The following GABRA2 variants were observed in gnomAD, a reference collection of about 807,000 sequenced individuals.
GABRA2 encodes gamma-aminobutyric acid type A receptor subunit alpha2, also known as gamma-aminobutyric acid receptor subunit alpha-2.
GABRA2 carries 16 observed loss-of-function variants against 48.7 expected under a neutral mutation model. That is an observed-to-expected ratio of 0.33 (90% CI 0.22 to 0.50). GABRA2 has a LOEUF of 0.50. GABRA2 is among the 20% of genes least tolerant of loss of function. The pLI, the probability that GABRA2 is intolerant of heterozygous loss-of-function variation, is 0.98. For missense variants in GABRA2, 275 were observed against 535.6 expected (o/e 0.51, Z 4.80); for synonymous variants, 185 against 184.5 (o/e 1.00, Z -0.02).
chr4:46,316,151 C>T (rs978326984), intron 4 of GABRA2, among the ~76,000 whole-genome samples: 3 of 151,834 alleles, frequency 2.0e-5, no homozygotes, highest in African/African-American at 7.2e-5. Flanking sequence ...ATATCATCAT[C>T]GTTTTTCCTC....
chr4:46,289,250 C>T (rs973834493), intron 8 of GABRA2, among the ~76,000 whole-genome samples: 2 of 152,174 alleles, frequency 1.3e-5, no homozygotes, highest in Admixed American at 1.3e-4. Flanking sequence ...AGATGCATGC[C>T]TGTGCATGTT....
chr4:46,388,423 GA>G (rs753997962), intron 2 of GABRA2, among the ~76,000 whole-genome samples: 4 of 152,246 alleles, frequency 2.6e-5, no homozygotes, highest in Non-Finnish European at 5.9e-5. Flanking sequence ...GTTCTGCATG[GA>G]AAGTGTTTCT....
At chr4:46,314,298 T>G (rs990842137) in intron 4 of GABRA2, among the ~76,000 whole-genome samples, 3 of 152,096 alleles carry the variant, frequency 2.0e-5, no homozygotes, top group African/African-American at 7.2e-5. Context: ...TTTAACACTT[T>G]TTATAAAACT....
At chr4:46,252,563 T>G (rs1194660956) in intron 9 of GABRA2, among the ~76,000 whole-genome samples, 1 of 151,414 alleles carries the variant, frequency 6.6e-6, no homozygotes, top group Non-Finnish European at 1.5e-5. Flanking sequence ...CGCTCAAACT[T>G]AGATGTATCT....
chr4:46,348,105 A>G (rs941625059), intron 3 of GABRA2, among the ~76,000 whole-genome samples: 15 of 152,116 alleles, frequency 9.9e-5, no homozygotes, highest in African/African-American at 3.6e-4. Flanking sequence ...CCATCAAAAA[A>G]TGGGTGAAGG....
At chr4:46,280,124 T>C (rs1721253000) in intron 8 of GABRA2, among the ~76,000 whole-genome samples, 3 of 151,964 alleles carry the variant, frequency 2.0e-5, no homozygotes, top group African/African-American at 7.2e-5. Flanking sequence ...TCAAACAGAA[T>C]ATATATATAT....
intron 3 of GABRA2, among the ~76,000 whole-genome samples, chr4:46,349,272 T>C (rs1366320903): frequency 6.6e-6 from 1 of 152,032 alleles, no homozygotes; most frequent in Non-Finnish European, 1.5e-5. Context: ...AAGGAATGCC[T>C]GTAGTTACAT....
At chr4:46,251,375 G>A (rs1714719603) in intron 9 of GABRA2, among the ~76,000 whole-genome samples, 1 of 151,364 alleles carries the variant, frequency 6.6e-6, no homozygotes, top group African/African-American at 2.4e-5. Flanking sequence ...ATATTTCATG[G>A]AACTTAGAAT....
At chr4:46,278,829 T>G (rs1350688563) in intron 8 of GABRA2, among the ~76,000 whole-genome samples, 1 of 151,870 alleles carries the variant, frequency 6.6e-6, no homozygotes, top group African/African-American at 2.4e-5. Context: ...TAGAATTAAA[T>G]GTTAACAGTA....
chr4:46,321,348 G>A lies in GABRA2; in HGVS notation c.256-8632C>T, dbSNP rs553385310. 1.1e-4 allele frequency among the ~76,000 whole-genome samples: 16 copies of A among 151,926 alleles called. No individual in the cohort carries two copies. The Middle Eastern group carries it at 0.01, about 97-fold the overall frequency. ...ATAACGACTATAATTATTGTATACT[G>A]GAAATGTAAGTGCTCTTACTGGAAA... On this transcript the variant is annotated intron_variant, in intron 4 of 9. Coordinates refer to ENST00000381620, the MANE Select transcript of GABRA2 (RefSeq NM_000807.4).
intron 9 of GABRA2, among the ~76,000 whole-genome samples, chr4:46,258,436 G>A (rs1186559295): frequency 6.6e-6 from 1 of 151,864 alleles, no homozygotes; most frequent in African/African-American, 2.4e-5. Context: ...TATTTGTGCT[G>A]AGGATGGCAA....
intron 3 of GABRA2, among the ~76,000 whole-genome samples, chr4:46,338,015 G>A (rs140701732): frequency 3.4e-4 from 52 of 152,036 alleles, no homozygotes; most frequent in African/African-American, 1.1e-3. Flanking sequence ...AATCCTTTCT[G>A]TAAATGATTG....
intron 3 of GABRA2, among the ~76,000 whole-genome samples, chr4:46,369,391 A>G (rs1714538457): frequency 6.6e-6 from 1 of 152,170 alleles, no homozygotes; most frequent in South Asian, 2.1e-4. Flanking sequence ...GAATAGGCCA[A>G]TACATTATGT....
chr4:46,264,006 A>C (rs1197102548), intron 8 of GABRA2, among the ~76,000 whole-genome samples: 1 of 151,866 alleles, frequency 6.6e-6, no homozygotes, highest in Admixed American at 6.6e-5. Context: ...TCATACAGCA[A>C]CATTCTATAG....
Position 46,303,582 on chromosome 4 carries a change from T to A in GABRA2, c.734A>T (p.His245Leu). The change falls in exon 8 of 10, where the codon CAC becomes CTC. Residue 245 changes from histidine (H) to leucine (L), a missense_variant. His to Leu is a moderately conservative substitution (Grantham distance 99, BLOSUM62 -3). This residue lies in a region of GABRA2 where 113 missense variants were observed against 257.1 expected (regional missense o/e 0.44). Transcript: ENST00000381620. Reference protein sequence around the residue: ...GEYTVMTAHFHLKRKIGYFVI... With the variant: ...GEYTVMTAHFLLKRKIGYFVI... Reference sequence around the variant, plus strand: ...AAAATACCCAATTTTTCTTTTCAGGTGGAAATGAGCTGTCATTACAGTATA... The same window carrying A: ...AAAATACCCAATTTTTCTTTTCAGGAGGAAATGAGCTGTCATTACAGTATA... 1 of 1,613,644 alleles carries A rather than the reference T, an allele frequency of 6.2e-7. No individual in the cohort carries two copies. The highest frequency in any genetic ancestry group is 8.5e-7 in the Non-Finnish European group (1 of 1,179,610).
At chr4:46,389,701 G>C (rs966752341) in intron 1 of GABRA2, 34 bp downstream of exon 1, 1 of 978,546 alleles carries the variant, frequency 1.0e-6, no homozygotes, top group East Asian at 1.2e-4. Flanking sequence ...AAACAGGAAA[G>C]TGTCTCTATC....
intron 8 of GABRA2, among the ~76,000 whole-genome samples, chr4:46,272,157 T>C (rs1000210146): frequency 6.6e-6 from 1 of 151,984 alleles, no homozygotes; most frequent in African/African-American, 2.4e-5. Context: ...AGAATTTATT[T>C]CCTAAAGGCA....
intron 4 of GABRA2, among the ~76,000 whole-genome samples, chr4:46,331,482 CT>C (rs920523032): frequency 4.6e-5 from 7 of 152,192 alleles, no homozygotes; most frequent in Admixed American, 2.0e-4. Context: ...AAATGGAATA[CT>C]TTTTGTTTTG....
chr4:46,388,676 G>C lies in GABRA2; in HGVS notation c.31C>G (p.Gln11Glu), dbSNP rs1290832816. The change falls in exon 2 of 10, where the codon CAG becomes GAG. Residue 11 changes from glutamine to glutamate, a missense_variant. Gln to Glu is a conservative substitution (Grantham distance 29). This residue lies in a region of GABRA2 where 39 missense variants were observed against 40.5 expected (regional missense o/e 0.96). Coordinates refer to ENST00000381620, the MANE Select transcript of GABRA2 (RefSeq NM_000807.4). MKTKLNIYNM[Q>E]FLLFVFLVWD... ...ACCAAGAAAACAAAAAGCAGGAACT[G>C]CATGTTGTAGATGTTCAATTTTGTC... is the stretch of plus-strand genomic sequence containing the variant. The C allele has an allele frequency of 6.2e-7, 1 of 1,614,012 alleles. No homozygotes were observed. Among genetic ancestry groups the C allele is most frequent in the Non-Finnish European group, 8.5e-7 (1 of 1,179,988 alleles).
Sources: allele counts gnomAD v4.1 joint callset (sites outside exome capture counted in the v4.1 genomes callset), GRCh38; gene constraint gnomAD v4.1.1; regional missense constraint gnomAD v4.1.1; transcripts MANE v1.5; gene names NCBI Gene and HGNC (gene_info 2026-07-23, HGNC 2026-07-21).